Variants in ASXL2 observed in about 807,000 individuals in gnomAD.
ASXL2 encodes putative Polycomb group protein ASXL2.
ASXL2 carries 23 observed loss-of-function variants against 122.0 expected under a neutral mutation model. That is an observed-to-expected ratio of 0.19 (90% CI 0.14 to 0.27). ASXL2 has a LOEUF of 0.27. Ranked by LOEUF, ASXL2 falls within the 10% of genes least tolerant of loss-of-function variation. ASXL2 has a pLI of 1.00. For missense variants in ASXL2, 1,518 were observed against 1,713.8 expected (o/e 0.89, Z 2.02); for synonymous variants, 650 against 637.0 (o/e 1.02, Z -0.31).
chr2:25,810,171 T>C (rs1387991473), intron 3 of ASXL2: 5 of 572,608 alleles, frequency 8.7e-6, no homozygotes. Flanking sequence ...CTTCAGGTTA[T>C]GGTCCATCAG....
At chr2:25,809,271 C>T (rs1331544378) in intron 3 of ASXL2, among the ~76,000 whole-genome samples, 5 of 150,672 alleles carry the variant, frequency 3.3e-5, no homozygotes, top group East Asian at 3.9e-4. Flanking sequence ...AGAGGTCTTA[C>T]CATTTTAATT....
At position 25,810,288 on chromosome 2, in the gene ASXL2, T is replaced by C. The variant is rs2089148957; in HGVS notation, c.144-3951A>G. ...GACCACCAACTTACGAGCCACCTCTTCATACTTCCTATCTGCCTATTCTGC... is the reference window on the plus strand; with the variant it reads ...GACCACCAACTTACGAGCCACCTCTCCATACTTCCTATCTGCCTATTCTGC... On this transcript the variant is annotated intron_variant, in intron 3 of 12. Transcript: ENST00000435504. 3.1e-6 allele frequency: 2 copies of C among 636,744 alleles called. 1 individual carries two copies. Among genetic ancestry groups the C allele is most frequent in the African/African-American group, 3.6e-5 (2 of 55,510 alleles). The allele number at this position is 636,744 out of a possible 1,614,324, so 39.4% of individuals were successfully genotyped here.
At chr2:25,764,647 G>C (rs1424986773) in intron 8 of ASXL2, among the ~76,000 whole-genome samples, 1 of 152,056 alleles carries the variant, frequency 6.6e-6, no homozygotes, top group African/African-American at 2.4e-5. Flanking sequence ...AACAATGTTT[G>C]TATTAATATA....
At chr2:25,779,674 TTTC>T (rs934573957) in intron 5 of ASXL2, among the ~76,000 whole-genome samples, 9 of 152,216 alleles carry the variant, frequency 5.9e-5, no homozygotes, top group Non-Finnish European at 1.0e-4. Context: ...ACTTGTTTGC[TTTC>T]TTATTTCTAG....
intron 1 of ASXL2, among the ~76,000 whole-genome samples, chr2:25,855,815 G>A (rs1285072810): frequency 2.1e-5 from 3 of 144,746 alleles, no homozygotes; most frequent in South Asian, 2.2e-4. Flanking sequence ...CAGCCTGGGC[G>A]ACAGAGCGAG....
At chr2:25,791,693 T>A (rs2088837243) in intron 5 of ASXL2, among the ~76,000 whole-genome samples, 1 of 152,184 alleles carries the variant, frequency 6.6e-6, no homozygotes, top group Non-Finnish European at 1.5e-5. Context: ...ACACATCCTG[T>A]CTTCCCTAGT....
At chr2:25,783,083 C>T (rs939176347) in intron 5 of ASXL2, among the ~76,000 whole-genome samples, 2 of 152,022 alleles carry the variant, frequency 1.3e-5, no homozygotes, top group South Asian at 2.1e-4. Flanking sequence ...GAGCCAAGAT[C>T]GTACCACTGC....
At chr2:25,749,466 G>A (rs1574394644) in intron 12 of ASXL2, among the ~76,000 whole-genome samples, 1 of 152,290 alleles carries the variant, frequency 6.6e-6, no homozygotes, top group African/African-American at 2.4e-5. Context: ...TACATTAGAT[G>A]CCCAGGTACC....
chr2:25,773,481 C>T (rs997742635), intron 5 of ASXL2, among the ~76,000 whole-genome samples: 23 of 151,460 alleles, frequency 1.5e-4, no homozygotes, highest in African/African-American at 3.9e-4. Context: ...CTGGCTAACA[C>T]GGTGAAACCC....
intron 9 of ASXL2, among the ~76,000 whole-genome samples, chr2:25,758,238 T>C (rs1477304415): frequency 6.6e-6 from 1 of 152,212 alleles, no homozygotes. Flanking sequence ...ATTAGAAAGA[T>C]TTAGTTTTAT....
rs2089148156 is a variant in ASXL2, at chr2:25,810,256, T to C, written c.144-3919A>G. On this transcript the variant is annotated intron_variant, in intron 3 of 12. Coordinates refer to ENST00000435504, the MANE Select transcript of ASXL2 (RefSeq NM_018263.6). ...CGTTCCTCTGTGAGTTCCAAGTCTC[T>C]TTCAATGACCACCAACTTACGAGCC... 1.6e-5 allele frequency: 10 copies of C among 625,050 alleles called. 2 individuals carry two copies. The highest frequency in any genetic ancestry group is 2.7e-5 in the Non-Finnish European group (9 of 329,772). 38.7% of individuals were successfully genotyped at this position (625,050 alleles called of 1,614,324 possible). A position where few individuals can be genotyped will look rare whatever the true frequency, so the allele number is the denominator to read the frequency against.
chr2:25,870,090 G>C (rs1185343635), intron 1 of ASXL2, among the ~76,000 whole-genome samples: 1 of 152,090 alleles, frequency 6.6e-6, no homozygotes, highest in Non-Finnish European at 1.5e-5. Flanking sequence ...TTAACTTATA[G>C]AAGGTCTTTA....
intron 1 of ASXL2, among the ~76,000 whole-genome samples, chr2:25,866,434 C>T (rs1254262326): frequency 6.6e-6 from 1 of 152,046 alleles, no homozygotes; most frequent in Non-Finnish European, 1.5e-5. Flanking sequence ...GACAAAACTT[C>T]AATTTTCATA....
Position 25,744,188 on chromosome 2 carries a change from A to G in ASXL2, c.2149T>C (p.Ser717Pro). 6.2e-7 allele frequency: 1 copy of G among 1,613,888 alleles called. No individual in the cohort carries two copies. The highest frequency in any genetic ancestry group is 8.5e-7 in the Non-Finnish European group (1 of 1,179,868). ...TTTCCAGTTTCACTGACTCTGTCTG[A>G]GCCTGGACTGCCTCCTCTAGCAGTC... ...GQTARGGSPG[S>P]DRVSETGKGP... Residue 717 changes from serine (S) to proline (P), a missense_variant, in exon 13 of 13, where the codon TCA becomes CCA. Ser to Pro is a moderately conservative substitution (Grantham distance 74). Transcript: ENST00000435504. This position sits in a 1 kb window ranked among gnomAD's most constrained non-coding sequence, Gnocchi z 4.7.
In ASXL2 at chr2:25,775,060, TAG is replaced by T. The variant is rs1187988256; in HGVS notation, c.404-3522_404-3521del. Among the ~76,000 whole-genome samples the T allele has an allele frequency of 5.3e-5, 8 of 152,206 alleles. No individual in the cohort carries two copies. The East Asian group carries it at 1.5e-3, about 29-fold the overall frequency. On this transcript the variant is annotated intron_variant, in intron 5 of 12. Transcript: ENST00000435504. ...ACTTGTGGTAGTTTTTTATGTATGC[TAG>T]ATAGATGTCCTTTTTTAGTTAGTCT...
chr2:25,755,394 C>A (rs71439193), intron 10 of ASXL2, among the ~76,000 whole-genome samples: 9,500 of 152,226 alleles, frequency 0.062, 359 homozygotes, highest in African/African-American at 0.1. Flanking sequence ...AGTGCCCACA[C>A]ACAATCAGTC....
In ASXL2 at chr2:25,744,250, C is replaced by A; in HGVS notation, c.2087G>T (p.Gly696Val). 6.2e-7 allele frequency: 1 copy of A among 1,614,018 alleles called. No individual in the cohort carries two copies. Among genetic ancestry groups the A allele is most frequent in the Non-Finnish European group, 8.5e-7 (1 of 1,179,890 alleles). ...VGGTIPGPGP[G>V]GGQGPGEGGE... ...ACCCTCTCCTGGACCTTGTCCACCC[C>A]CTGGGCCAGGTCCTGGAATGGTCCC... The change falls in exon 13 of 13, where the codon GGG becomes GTG. Residue 696 changes from glycine to valine, a missense_variant. Physicochemically the swap from Gly to Val is moderately radical, Grantham distance 109. Coordinates refer to ENST00000435504, the MANE Select transcript of ASXL2 (RefSeq NM_018263.6). The surrounding 1 kb of genome is among the most constrained non-coding windows in gnomAD (Gnocchi z 4.7).
intron 1 of ASXL2, among the ~76,000 whole-genome samples, chr2:25,866,305 A>G (rs2089903820): frequency 6.6e-6 from 1 of 151,702 alleles, no homozygotes; most frequent in East Asian, 2.0e-4. Flanking sequence ...TAAGTTTTGT[A>G]TTTTTAGTAG....
intron 11 of ASXL2, among the ~76,000 whole-genome samples, chr2:25,751,721 G>A (rs780178303): frequency 1.3e-5 from 2 of 151,538 alleles, no homozygotes; most frequent in Admixed American, 6.6e-5. Flanking sequence ...TGGTCTAAAT[G>A]TACCAAACAT....
Sources: allele counts gnomAD v4.1 joint callset (sites outside exome capture counted in the v4.1 genomes callset), GRCh38; gene constraint gnomAD v4.1.1; non-coding constraint Gnocchi (gnomAD v3.1); transcripts MANE v1.5; gene names NCBI Gene and HGNC (gene_info 2026-07-23, HGNC 2026-07-21).